SORCS2: variants seen among roughly 807,000 people sequenced by gnomAD.
The protein encoded by SORCS2 is VPS10 domain-containing receptor SorCS2.
Under a neutral mutation model 141.6 loss-of-function variants are expected in SORCS2, and 100 were observed. The ratio of observed to expected loss-of-function variants is 0.71; its 90% CI spans 0.60 to 0.83. The LOEUF (loss-of-function observed/expected upper bound fraction) is 0.83. SORCS2 is among the 40% of genes least tolerant of loss of function. The pLI is 0.00. For synonymous variants in SORCS2, 789 were observed against 676.9 expected (o/e 1.17, Z -2.57); for missense variants, 1,646 against 1,560.2 (o/e 1.05, Z -0.93).
intron 11 of SORCS2, among the ~76,000 whole-genome samples, chr4:7,694,053 G>T (rs1361978176): frequency 6.6e-6 from 1 of 152,246 alleles, no homozygotes; most frequent in Non-Finnish European, 1.5e-5. Context: ...GGAGCCATTG[G>T]CGTCTGCCCC....
At chr4:7,334,652 G>A (rs143202376) in intron 1 of SORCS2, among the ~76,000 whole-genome samples, 12 of 152,258 alleles carry the variant, frequency 7.9e-5, no homozygotes, top group African/African-American at 2.4e-4. Context: ...GTGCACATGC[G>A]CTGAGGACAC....
intron 3 of SORCS2, among the ~76,000 whole-genome samples, chr4:7,611,045 C>T (rs10021084): frequency 0.24 from 36,878 of 152,118 alleles, 4,661 homozygotes; most frequent in Non-Finnish European, 0.26. Flanking sequence ...TCTGGCACCA[C>T]AGAACTAAGC....
intron 1 of SORCS2, among the ~76,000 whole-genome samples, chr4:7,223,323 A>T (rs1728821462): frequency 6.6e-6 from 1 of 151,154 alleles, no homozygotes; most frequent in African/African-American, 2.4e-5. Context: ...ACACACTCAC[A>T]CACAGAGTTT....
intron 1 of SORCS2, among the ~76,000 whole-genome samples, chr4:7,295,533 A>G (rs1025965839): frequency 1.3e-5 from 2 of 152,038 alleles, no homozygotes; most frequent in Non-Finnish European, 2.9e-5. Context: ...AGCAGCCGAG[A>G]GGGGCCAGAG....
At chr4:7,726,971 C>T (rs1727263818) in intron 21 of SORCS2, 68 bp downstream of exon 21, 9 of 1,535,910 alleles carry the variant, frequency 5.9e-6, no homozygotes, top group East Asian at 2.4e-5. Context: ...AGCCAGGCCA[C>T]ATGGGTCGCG....
rs376243936 is a variant in SORCS2, at chr4:7,234,363, T to A, written c.480+41237T>A. On this transcript the variant is annotated intron_variant, in intron 1 of 26. Transcript: ENST00000507866. ...GCTGAGTTCTCCCAGAAGTTTCCAG[T>A]CATTGCCATGCTATTGGTCTTTCAT... is the stretch of plus-strand genomic sequence containing the variant. Among the ~76,000 whole-genome samples, 15 of 152,326 alleles carry A rather than the reference T, an allele frequency of 9.8e-5. No homozygotes were observed. The East Asian group carries it at 2.9e-3, about 29-fold the overall frequency.
At chr4:7,527,108 C>T (rs775706058) in intron 2 of SORCS2, among the ~76,000 whole-genome samples, 8 of 152,178 alleles carry the variant, frequency 5.3e-5, no homozygotes, top group Non-Finnish European at 1.2e-4. Flanking sequence ...GGGGACCGCC[C>T]GCCCCACCCA....
chr4:7,349,781 T>G (rs1423927252), intron 1 of SORCS2, among the ~76,000 whole-genome samples: 1 of 152,212 alleles, frequency 6.6e-6, no homozygotes, highest in African/African-American at 2.4e-5. Flanking sequence ...GCCGGAGAAC[T>G]GTTGGACTGG....
chr4:7,712,213 G>T (rs1213144386), intron 14 of SORCS2, among the ~76,000 whole-genome samples: 2 of 152,186 alleles, frequency 1.3e-5, no homozygotes, highest in Non-Finnish European at 2.9e-5. Flanking sequence ...TCTTTGAATC[G>T]CCACCTCTAC....
intron 2 of SORCS2, among the ~76,000 whole-genome samples, chr4:7,488,072 G>A (rs1274831759): frequency 4.6e-5 from 7 of 152,098 alleles, no homozygotes; most frequent in South Asian, 2.1e-4. Context: ...CGCATCTCCC[G>A]GTACCTGAGC....
intron 2 of SORCS2, among the ~76,000 whole-genome samples, chr4:7,423,448 A>C (rs1363495276): frequency 6.6e-6 from 1 of 151,966 alleles, no homozygotes; most frequent in Non-Finnish European, 1.5e-5. Flanking sequence ...ACAGGGTCTC[A>C]CTCTGTCACC....
At chr4:7,673,438 G>A (rs901893004) in intron 8 of SORCS2, among the ~76,000 whole-genome samples, 1 of 152,218 alleles carries the variant, frequency 6.6e-6, no homozygotes, top group African/African-American at 2.4e-5. Flanking sequence ...AGTGGAATAT[G>A]GCCCGTCCAC....
intron 2 of SORCS2, among the ~76,000 whole-genome samples, chr4:7,520,425 A>C (rs376486740): frequency 6.6e-6 from 1 of 152,096 alleles, no homozygotes; most frequent in Non-Finnish European, 1.5e-5. Flanking sequence ...TTCCATCCCT[A>C]AGGTGTCAGT....
chr4:7,371,656 CT>C (rs1221470245), intron 1 of SORCS2, among the ~76,000 whole-genome samples: 9 of 152,126 alleles, frequency 5.9e-5, no homozygotes, highest in Non-Finnish European at 1.2e-4. Context: ...CACGTGGGTT[CT>C]GGAGCTGTAG....
At chr4:7,467,617 A>C (rs1330755075) in intron 2 of SORCS2, among the ~76,000 whole-genome samples, 1 of 152,112 alleles carries the variant, frequency 6.6e-6, no homozygotes, top group Middle Eastern at 3.2e-3. Context: ...GGCCTGCACT[A>C]AGCTTCAGAG....
intron 3 of SORCS2, among the ~76,000 whole-genome samples, chr4:7,607,703 C>G (rs911057077): frequency 4.6e-5 from 7 of 152,184 alleles, no homozygotes; most frequent in Admixed American, 1.3e-4. Context: ...CCTGGGCCAC[C>G]CAGGAGTTCA....
At chr4:7,627,561 T>C (rs757239) in intron 3 of SORCS2, among the ~76,000 whole-genome samples, 111,781 of 152,172 alleles carry the variant, frequency 0.73, 41,469 homozygotes, top group East Asian at 0.96. Context: ...GGCCTTGCCC[T>C]GATTCCCATT....
At chr4:7,270,507 A>C (rs1715050644) in intron 1 of SORCS2, among the ~76,000 whole-genome samples, 1 of 152,168 alleles carries the variant, frequency 6.6e-6, no homozygotes, top group Non-Finnish European at 1.5e-5. Flanking sequence ...GTTTGGTGGG[A>C]TCTGGCCCCG....
At chr4:7,269,476 G>A (rs1408498356) in intron 1 of SORCS2, among the ~76,000 whole-genome samples, 1 of 152,248 alleles carries the variant, frequency 6.6e-6, no homozygotes, top group Non-Finnish European at 1.5e-5. Context: ...GGAATCCAGT[G>A]AAGGATCTTG....
Sources: gnomAD v4.1 joint callset for allele counts (sites outside exome capture counted in the v4.1 genomes callset) on GRCh38, gnomAD v4.1.1 for gene constraint, MANE v1.5 for transcripts, NCBI Gene and HGNC (gene_info 2026-07-23, HGNC 2026-07-21) for gene names.